TPO: variants seen among roughly 807,000 people sequenced by gnomAD.
TPO encodes thyroid microsomal antigen.
In TPO, 78 loss-of-function variants were observed where a neutral mutation model predicts 96.9. That is an observed-to-expected ratio of 0.81 (90% CI 0.67 to 0.97). The LOEUF is 0.97. Ranked by LOEUF, TPO falls within the 50% of genes least tolerant of loss-of-function variation. The probability of loss-of-function intolerance (pLI) is 0.00; values close to 1 mark genes in which losing one functional copy is unlikely to be tolerated. For synonymous variants in TPO, 547 were observed against 538.0 expected, an observed-to-expected ratio of 1.02 and a Z score of -0.23; for missense variants, 1,252 against 1,274.8, an observed-to-expected ratio of 0.98 and a Z score of 0.27.
At chr2:1,424,693 T>C (rs1384913294) in intron 3 of TPO, among the ~76,000 whole-genome samples, 1 of 152,220 alleles carries the variant, frequency 6.6e-6, no homozygotes, top group Non-Finnish European at 1.5e-5. Context: ...ATTCCAACTA[T>C]GTTTCTTTCC....
intron 11 of TPO, among the ~76,000 whole-genome samples, 190 bp downstream of exon 11, chr2:1,494,229 C>T (rs892664270): frequency 2.0e-5 from 3 of 152,222 alleles, no homozygotes; most frequent in Admixed American, 2.0e-4. Context: ...AACAATGAAG[C>T]AACTACGAAG....
At chr2:1,415,178 C>T (rs1437733136) in intron 2 of TPO, among the ~76,000 whole-genome samples, 2 of 147,978 alleles carry the variant, frequency 1.4e-5, no homozygotes, top group South Asian at 4.3e-4. Context: ...TGACACCTCG[C>T]CGGGCAGGTC....
intron 7 of TPO, among the ~76,000 whole-genome samples, chr2:1,467,083 C>A (rs1320632869): frequency 1.3e-5 from 2 of 151,906 alleles, no homozygotes; most frequent in African/African-American, 4.8e-5. Context: ...TAGGTTGTGT[C>A]ATTATTGTCA....
intron 14 of TPO, chr2:1,513,348 C>G (rs1457302329): frequency 6.6e-6 from 1 of 152,324 alleles, no homozygotes; most frequent in Non-Finnish European, 1.5e-5. Flanking sequence ...CCTACGAGCC[C>G]TGGCTGGAGG....
intron 15 of TPO, among the ~76,000 whole-genome samples, chr2:1,519,042 A>G (rs571526739): frequency 3.3e-5 from 5 of 152,308 alleles, no homozygotes; most frequent in South Asian, 4.1e-4. Flanking sequence ...ACGGGAAGGC[A>G]GAGATCAGGG....
rs1258792667 is a variant in TPO at position 1,534,807 on chromosome 2, TC to T, written c.2619-5780del. 9.2e-3 allele frequency among the ~76,000 whole-genome samples: 1,041 copies of T among 112,746 alleles called. 31 individuals carry two copies. The highest frequency in any genetic ancestry group is 0.038 in the African/African-American group (988 of 26,230). The allele number at this position is 112,746 out of a possible 152,430, so 74.0% of individuals were successfully genotyped here. A position where few individuals can be genotyped will look rare whatever the true frequency, so the allele number is the denominator to read the frequency against. On this transcript the variant is annotated intron_variant, in intron 15 of 16. Transcript: ENST00000329066. ...CCCCACTGTGGGTAACCTCCCCAAA[TC>T]CCCCCCACTGTGTGCAACCTCAAGT... is the stretch of plus-strand genomic sequence containing the variant.
intron 15 of TPO, among the ~76,000 whole-genome samples, chr2:1,525,141 CCTCA>C (rs965317647): frequency 2.2e-5 from 3 of 133,600 alleles, no homozygotes; most frequent in Non-Finnish European, 4.9e-5. Flanking sequence ...CCCAAATCAC[CCTCA>C]CTGTGTGCAA....
chr2:1,477,448 C>A lies in TPO; in HGVS notation c.1182C>A (p.Asp394Glu), dbSNP rs1216601305. 1 of 1,524,214 alleles carries A rather than the reference C, an allele frequency of 6.6e-7. No individual in the cohort carries two copies. The highest frequency in any genetic ancestry group is 8.8e-7 in the Non-Finnish European group (1 of 1,140,610). 94.4% of individuals were successfully genotyped at this position (1,524,214 alleles called of 1,614,324 possible). The change falls in exon 8 of 17, where the codon GAC becomes GAA. Residue 394 changes from aspartate (D) to glutamate (E), a missense_variant. Physicochemically the swap from Asp to Glu is conservative, Grantham distance 45. Transcript: ENST00000329066. ...GCGGGCCCTGCTTCCTGGCCGGAGA[C>A]GGCCGCGCCAGCGAGGTCCCCTCCC... ...ETRGPCFLAGDGRASEVPSLT... is the reference protein window; with the variant it reads ...ETRGPCFLAGEGRASEVPSLT...
intron 1 of TPO, among the ~76,000 whole-genome samples, chr2:1,401,825 ACCC>A (rs1662176940): frequency 2.0e-5 from 3 of 152,108 alleles, no homozygotes; most frequent in Non-Finnish European, 4.4e-5. Flanking sequence ...GAAAGTACAC[ACCC>A]CTGTGGGTAT....
chr2:1,496,016 C>T lies in TPO; in HGVS notation c.2034C>T (p.Phe678=), dbSNP rs1158932205. The change falls in exon 12 of 17, where the codon TTC becomes TTT. Residue 678 remains phenylalanine (F), a synonymous_variant. Transcript: ENST00000329066. ...TTTGGTGGGAGAACAGCCACGTCTT[C>T]ACGGATGCACAGAGGCGTGAGCTGG... ...DWFWWENSHV[F]TDAQRRELEK... is the part of the protein sequence containing the mutation. 6.2e-7 allele frequency: 1 copy of T among 1,613,294 alleles called. No homozygotes were observed. Among genetic ancestry groups the T allele is most frequent in the Admixed American group, 1.7e-5 (1 of 60,022 alleles).
intron 7 of TPO, among the ~76,000 whole-genome samples, chr2:1,468,681 GC>G (rs1312913839): frequency 6.6e-6 from 1 of 152,182 alleles, no homozygotes; most frequent in Non-Finnish European, 1.5e-5. Flanking sequence ...ATGACAATGT[GC>G]CTGGGCAATG....
At chr2:1,511,123 C>G (rs1294985125) in intron 14 of TPO, among the ~76,000 whole-genome samples, 2 of 152,060 alleles carry the variant, frequency 1.3e-5, no homozygotes, top group Non-Finnish European at 2.9e-5. Flanking sequence ...TTGTTCCTAA[C>G]GTTGCGGTTA....
At chr2:1,486,296 C>T (rs1220661814) in intron 9 of TPO, among the ~76,000 whole-genome samples, 4 of 152,038 alleles carry the variant, frequency 2.6e-5, no homozygotes, top group African/African-American at 7.2e-5. Context: ...CTGAGGCAGG[C>T]GGATCACTTG....
chr2:1,529,694 C>CT (rs1677574724), intron 15 of TPO, among the ~76,000 whole-genome samples: 13 of 109,532 alleles, frequency 1.2e-4, no homozygotes, highest in South Asian at 3.2e-4. Flanking sequence ...CCTCAAATCC[C>CT]CCCACTGCGT....
At position 1,397,051 on chromosome 2, in the gene TPO, T is replaced by C. The variant is rs543067396; in HGVS notation, n.180+22649T>C. Among the ~76,000 whole-genome samples, 24 of 152,310 alleles carry C rather than the reference T, an allele frequency of 1.6e-4. No homozygotes were observed. In the East Asian group the frequency reaches 4.4e-3, roughly 28 times the overall value. On this transcript the variant is annotated intron_variant and non_coding_transcript_variant, in intron 1 of 5. Coordinates refer to the TPO transcript ENST00000497517. ...CCTGTACTCACTTGCTGTTGGAACA[T>C]TATCAAGGCTCATTTTCGTCATCTG...
intron 1 of TPO, among the ~76,000 whole-genome samples, chr2:1,407,676 A>G (rs1234393021): frequency 6.6e-6 from 1 of 152,222 alleles, no homozygotes; most frequent in Non-Finnish European, 1.5e-5. Flanking sequence ...TGAGGCTATC[A>G]GAATATTTAA....
chr2:1,520,975 G>A (rs1393943736), intron 15 of TPO, among the ~76,000 whole-genome samples: 8 of 152,010 alleles, frequency 5.3e-5, no homozygotes, highest in African/African-American at 1.7e-4. Context: ...TTCTCCATTC[G>A]CTCTTGTTTT....
chr2:1,393,846 T>C (rs1662040915), intron 1 of TPO, among the ~76,000 whole-genome samples: 2 of 152,246 alleles, frequency 1.3e-5, no homozygotes, highest in African/African-American at 4.8e-5. Flanking sequence ...TTTCTAAATA[T>C]TTCACTTCTT....
chr2:1,542,827 G>A lies in TPO; in HGVS notation c.*353G>A, dbSNP rs540648540. ...GCCGTGCTCGTCTGCACTCTGCCCCGGCGGTCCCTCCAGCACTGGTTTTTC... is the reference window on the plus strand; with the variant it reads ...GCCGTGCTCGTCTGCACTCTGCCCCAGCGGTCCCTCCAGCACTGGTTTTTC... On this transcript the variant is annotated 3_prime_UTR_variant, in exon 17 of 17. Coordinates refer to ENST00000329066, the MANE Select transcript of TPO (RefSeq NM_001206744.2). The A allele has an allele frequency of 1.3e-5, 6 of 446,136 alleles. No homozygotes were observed. The highest frequency in any genetic ancestry group is 5.3e-5 in the East Asian group (1 of 18,734). The allele number at this position is 446,136 out of a possible 1,614,324, so 27.6% of individuals were successfully genotyped here.
Sources: allele counts gnomAD v4.1 joint callset (sites outside exome capture counted in the v4.1 genomes callset), GRCh38; gene constraint gnomAD v4.1.1; transcripts MANE v1.5; gene names NCBI Gene and HGNC (gene_info 2026-07-23, HGNC 2026-07-21).